ZNF577: variants seen among roughly 807,000 people sequenced by gnomAD.
ZNF577 encodes the protein zinc finger protein 577.
Under a neutral mutation model 13.9 loss-of-function variants are expected in ZNF577, and 14 were observed. The observed-to-expected ratio is 1.00, with a 90% confidence interval of 0.66 to 1.57. The LOEUF (loss-of-function observed/expected upper bound fraction) is 1.57, where lower values mean the gene tolerates loss of function less well. Ranked by LOEUF, ZNF577 falls within the 40% of genes most tolerant of loss-of-function variation. The pLI is 0.00. For missense variants in ZNF577, 555 were observed against 579.2 expected (o/e 0.96, Z 0.43); for synonymous variants, 203 against 202.9 (o/e 1.00, Z 0.00).
intron 9 of ZNF577, among the ~76,000 whole-genome samples, chr19:51,839,419 G>T (rs777308485): frequency 2.6e-5 from 4 of 151,918 alleles, no homozygotes; most frequent in African/African-American, 4.8e-5. Context: ...ATAATAATAA[G>T]AAGAAATTAC....
intron 9 of ZNF577, among the ~76,000 whole-genome samples, chr19:51,834,784 A>G (rs543996157): frequency 2.0e-5 from 3 of 152,258 alleles, no homozygotes; most frequent in East Asian, 3.9e-4. Flanking sequence ...CTTGGGCTCA[A>G]GCAATCCTCC....
intron 9 of ZNF577, among the ~76,000 whole-genome samples, chr19:51,838,025 T>G (rs2084297451): frequency 6.6e-6 from 1 of 152,204 alleles, no homozygotes. Flanking sequence ...TTGGTTTGAT[T>G]TTGACCTTGA....
At chr19:51,879,989 A>T (rs1221503188) in intron 3 of ZNF577, among the ~76,000 whole-genome samples, 1 of 152,144 alleles carries the variant, frequency 6.6e-6, no homozygotes, top group Non-Finnish European at 1.5e-5. Flanking sequence ...TGCTGTCTCA[A>T]TAACAAAAAT....
rs764320241 is a variant in ZNF577, at chr19:51,873,258, G to T, written c.732C>A (p.Cys244Ter). 1 of 1,612,998 alleles carries T rather than the reference G, an allele frequency of 6.2e-7. No individual in the cohort carries two copies. The highest frequency in any genetic ancestry group is 2.2e-5 in the East Asian group (1 of 44,876). ...RTHTGEKPYR[C>*]SKCGKAFSRK... is the part of the protein sequence containing the mutation. The stretch of plus-strand genomic sequence containing the variant: ...GGCTGAAGGCTTTTCCGCATTTGCT[G>T]CATCTGTAGGGTTTCTCTCCTGTAT... Residue 244 changes from cysteine (C) to a stop codon, truncating the protein, a stop_gained, in exon 6 of 6, where the codon TGC becomes TGA. Coordinates refer to ENST00000638348, the MANE Select transcript of ZNF577 (RefSeq NM_001370449.1). LOFTEE classifies it low-confidence loss of function (END_TRUNC).
chr19:51,822,675 T>C (rs1201442910), intron 9 of ZNF577, among the ~76,000 whole-genome samples: 2 of 152,168 alleles, frequency 1.3e-5, no homozygotes, highest in African/African-American at 4.8e-5. Context: ...ACACAGTGAA[T>C]AGTCTCTGAT....
chr19:51,824,107 C>T lies in ZNF577; in HGVS notation c.*600-12433G>A. ...AGTGTCTACCTGATCACCATCATTG[C>T]TCTGGACCGCTGTATTTGTGTCCTG... On this transcript the variant is annotated intron_variant and NMD_transcript_variant, in intron 9 of 10. Transcript: ENST00000638827. The surrounding 1 kb of genome is among the most constrained non-coding windows in gnomAD (Gnocchi z 4.7). 1 of 1,613,986 alleles carries T rather than the reference C, an allele frequency of 6.2e-7. No individual in the cohort carries two copies.
chr19:51,841,973 GTGA>G (rs1326187696), intron 8 of ZNF577, among the ~76,000 whole-genome samples: 1 of 152,148 alleles, frequency 6.6e-6, no homozygotes, highest in Admixed American at 6.5e-5. Context: ...AATTCAGAAA[GTGA>G]TCTGCAGATA....
intron 9 of ZNF577, chr19:51,825,061 C>T: frequency 2.5e-6 from 1 of 406,640 alleles, no homozygotes; most frequent in South Asian, 4.8e-5. Context: ...AGGGCTCATT[C>T]CCCAAGTCTG....
chr19:51,838,773 G>T (rs2084302935), intron 9 of ZNF577, among the ~76,000 whole-genome samples: 1 of 151,608 alleles, frequency 6.6e-6, no homozygotes, highest in African/African-American at 2.4e-5. Context: ...TGGTATAGAT[G>T]GTAAATTGTA....
intron 1 of ZNF577, among the ~76,000 whole-genome samples, chr19:51,881,181 T>C (rs2084856253): frequency 1.3e-5 from 2 of 152,066 alleles, no homozygotes; most frequent in African/African-American, 2.4e-5. Context: ...GGTAAGACAA[T>C]GAAGGAAGTG....
intron 9 of ZNF577, among the ~76,000 whole-genome samples, chr19:51,831,839 C>T (rs1271219776): frequency 6.6e-6 from 1 of 152,090 alleles, no homozygotes; most frequent in African/African-American, 2.4e-5. Context: ...TCAAACATAC[C>T]AAATCATTCT....
At chr19:51,822,356 G>C (rs1360675749) in intron 9 of ZNF577, among the ~76,000 whole-genome samples, 1 of 152,150 alleles carries the variant, frequency 6.6e-6, no homozygotes. Context: ...AGATGGAGGA[G>C]GGATACCTTC....
At chr19:51,866,447 C>A (rs2084565068), downstream of ZNF577, among the ~76,000 whole-genome samples, 1 of 152,198 alleles carries the variant, frequency 6.6e-6, no homozygotes, top group East Asian at 1.9e-4. Context: ...CAGAATTAGT[C>A]TGCCAATACC....
In ZNF577 at chr19:51,872,580, T is replaced by C. The variant is rs1380756609; in HGVS notation, c.1410A>G (p.Pro470=). The C allele has an allele frequency of 6.2e-7, 1 of 1,611,516 alleles. No individual in the cohort carries two copies. The highest frequency in any genetic ancestry group is 1.7e-5 in the Admixed American group (1 of 59,476). The change falls in exon 6 of 6, where the codon CCA becomes CCG. Residue 470 remains proline, a synonymous_variant. Coordinates refer to ENST00000638348, the MANE Select transcript of ZNF577 (RefSeq NM_001370449.1). ...GATACAAGATATAATTTATTACTGA[T>C]GGGGCCACATTCACTTCATTTGTGA... ...ISLTNEVNVA[P]SVINYILYLT...
chr19:51,875,329 C>G (rs1243232086), intron 5 of ZNF577, among the ~76,000 whole-genome samples: 4 of 144,838 alleles, frequency 2.8e-5, no homozygotes, highest in African/African-American at 1.0e-4. Flanking sequence ...GGCCACTGCA[C>G]TCCAACCTGG....
At position 51,824,874 on chromosome 19, in the gene ZNF577, G is replaced by C; in HGVS notation, c.*600-13200C>G. 1 of 1,323,232 alleles carries C rather than the reference G, an allele frequency of 7.6e-7. No individual in the cohort carries two copies. The allele number at this position is 1,323,232 out of a possible 1,614,324, so 82.0% of individuals were successfully genotyped here. A position where few individuals can be genotyped will look rare whatever the true frequency, so the allele number is the denominator to read the frequency against. On this transcript the variant is annotated intron_variant and NMD_transcript_variant, in intron 9 of 10. Transcript: ENST00000638827. The surrounding 1 kb of genome is among the most constrained non-coding windows in gnomAD (Gnocchi z 4.7). The stretch of plus-strand genomic sequence containing the variant: ...GCGTTAAGCGGAAAAAAAAAATTCT[G>C]ACAGTGTTTTTCTTCCTCTTTCATA...
rs754214286 is a variant in ZNF577 at position 51,857,404 on chromosome 19, AAG to A, written c.284-12475_284-12474del. Among the ~76,000 whole-genome samples, 21 of 124,818 alleles carry A rather than the reference AAG, an allele frequency of 1.7e-4. 1 individual carries two copies. Among genetic ancestry groups the A allele is most frequent in the East Asian group, 4.2e-4 (2 of 4,750 alleles). 81.9% of individuals were successfully genotyped at this position (124,818 alleles called of 152,430 possible). A position where few individuals can be genotyped will look rare whatever the true frequency, so the allele number is the denominator to read the frequency against. On this transcript the variant is annotated intron_variant and NMD_transcript_variant, in intron 5 of 10. Coordinates refer to the ZNF577 transcript ENST00000638827. ...AAAGAAAGAAAGAAAGAAAGAAAGA[AAG>A]AAAGAAAGAAAGAAAGAAAGAAAAG...
chr19:51,823,064 T>C (rs1354843470), intron 9 of ZNF577, among the ~76,000 whole-genome samples: 3 of 152,106 alleles, frequency 2.0e-5, no homozygotes, highest in Non-Finnish European at 2.9e-5. Flanking sequence ...AGTTTCACCA[T>C]GTTGGCCAGG....
At chr19:51,885,318 T>C (rs775434168) in intron 1 of ZNF577, among the ~76,000 whole-genome samples, 5 of 152,172 alleles carry the variant, frequency 3.3e-5, no homozygotes, top group East Asian at 1.9e-4. Context: ...ACTAAAATAT[T>C]TGTCATCTGT....
Sources: gnomAD v4.1 joint callset for allele counts (sites outside exome capture counted in the v4.1 genomes callset) on GRCh38, gnomAD v4.1.1 for gene constraint, Gnocchi (gnomAD v3.1) non-coding constraint, MANE v1.5 for transcripts, NCBI Gene and HGNC (gene_info 2026-07-23, HGNC 2026-07-21) for gene names.